Variants in ADCK1 observed in about 807,000 individuals in gnomAD.
ADCK1 encodes the protein aarF domain-containing protein kinase 1.
A neutral mutation model predicts 52.3 loss-of-function variants in ADCK1; 41 were observed. That is an observed-to-expected ratio of 0.78 (90% CI 0.61 to 1.02). ADCK1 has a LOEUF of 1.02. Among genes scored for constraint, ADCK1 ranks in the 50% least tolerant of loss-of-function variants. The pLI, the probability that ADCK1 is intolerant of heterozygous loss-of-function variation, is 0.00. For missense variants in ADCK1, 658 were observed against 679.5 expected (o/e 0.97, Z 0.35); for synonymous variants, 250 against 274.6 (o/e 0.91, Z 0.89).
At chr14:77,834,457 C>G (rs371289055) in intron 3 of ADCK1, among the ~76,000 whole-genome samples, 181 of 152,362 alleles carry the variant, frequency 1.2e-3, no homozygotes, top group Non-Finnish European at 1.8e-3. Context: ...TTTTTGGCTA[C>G]TCTCTTTCCG....
At chr14:77,826,918 G>A (rs1009127375) in intron 3 of ADCK1, among the ~76,000 whole-genome samples, 3 of 152,126 alleles carry the variant, frequency 2.0e-5, no homozygotes, top group Non-Finnish European at 4.4e-5. Flanking sequence ...TGGCCAGTGC[G>A]CAGGACTTTT....
chr14:77,876,391 G>A (rs79336025), intron 4 of ADCK1, among the ~76,000 whole-genome samples: 3,558 of 152,242 alleles, frequency 0.023, 65 homozygotes, highest in Middle Eastern at 0.044. Context: ...CCTCTTGTAA[G>A]GATTCTTGGG....
chr14:77,821,890 A>AG (rs1203365905), intron 2 of ADCK1, among the ~76,000 whole-genome samples: 2 of 75,306 alleles, frequency 2.7e-5, no homozygotes, highest in African/African-American at 4.1e-5. Context: ...ACTCTGTCTC[A>AG]GAAAAAAAAA....
intron 3 of ADCK1, among the ~76,000 whole-genome samples, chr14:77,851,688 A>G (rs1369164248): frequency 6.6e-6 from 1 of 152,102 alleles, no homozygotes; most frequent in African/African-American, 2.4e-5. Context: ...TTGTCAGTCT[A>G]TATTTAAGTG....
intron 7 of ADCK1, among the ~76,000 whole-genome samples, chr14:77,920,672 A>G (rs1430461699): frequency 1.3e-5 from 2 of 152,096 alleles, no homozygotes; most frequent in African/African-American, 4.8e-5. Flanking sequence ...ATTTAGAGAG[A>G]AGGTCTCGCT....
chr14:77,932,372 C>G (rs1389275027), intron 10 of ADCK1, among the ~76,000 whole-genome samples: 1 of 152,148 alleles, frequency 6.6e-6, no homozygotes, highest in Non-Finnish European at 1.5e-5. Flanking sequence ...GATGCCTCAG[C>G]ACCTTTGGGC....
chr14:77,903,077 G>A (rs887965975), intron 6 of ADCK1, among the ~76,000 whole-genome samples: 6 of 152,228 alleles, frequency 3.9e-5, no homozygotes, highest in African/African-American at 1.2e-4. Flanking sequence ...GGGGCCAACT[G>A]GCAAGTGCCA....
At chr14:77,866,713 G>A (rs1423374345) in intron 4 of ADCK1, among the ~76,000 whole-genome samples, 1 of 152,124 alleles carries the variant, frequency 6.6e-6, no homozygotes, top group Non-Finnish European at 1.5e-5. Context: ...TGGTTGTGCT[G>A]TATTTAGGAC....
chr14:77,924,387 A>T, intron 7 of ADCK1, 70 bp from the exon 8 acceptor site: 1 of 1,575,326 alleles, frequency 6.3e-7, no homozygotes. Context: ...CCACATTGAG[A>T]GACCAGACAG....
rs559584013 is a variant in ADCK1 at position 77,871,071 on chromosome 14, A to T, written c.423+11792A>T. ...ATGAACATACTGGCCAACATGGCCA[A>T]ATGAGTGAGGAATACATGCTTGTCT... On this transcript the variant is annotated intron_variant, in intron 4 of 10. Transcript: ENST00000238561. 2.0e-5 allele frequency among the ~76,000 whole-genome samples: 3 copies of T among 152,338 alleles called. No homozygotes were observed. The East Asian group carries it at 5.8e-4, about 29-fold the overall frequency.
rs376078722 is a variant in ADCK1 at position 77,925,750 on chromosome 14, C to T, written c.1009-14C>T. ...GACGAGGCTTAGGTCCCACCGCTGC[C>T]GCCTCCACCCTAGATGCTCACGGAA... On this transcript the variant is annotated splice_polypyrimidine_tract_variant and intron_variant, in intron 8 of 10. Coordinates refer to ENST00000238561, the MANE Select transcript of ADCK1 (RefSeq NM_020421.4). 36 of 1,613,538 alleles carry T rather than the reference C, an allele frequency of 2.2e-5. No individual in the cohort carries two copies. The highest frequency in any genetic ancestry group is 1.6e-4 in the Middle Eastern group (1 of 6,084).
intron 3 of ADCK1, among the ~76,000 whole-genome samples, chr14:77,858,130 C>T (rs974119125): frequency 1.3e-5 from 2 of 152,224 alleles, no homozygotes; most frequent in Non-Finnish European, 2.9e-5. Flanking sequence ...ATACCCCCCA[C>T]TACAGTGACT....
intron 6 of ADCK1, among the ~76,000 whole-genome samples, chr14:77,905,759 C>T (rs112625701): frequency 0.04 from 6,042 of 152,150 alleles, 174 homozygotes; most frequent in Non-Finnish European, 0.056. Context: ...GGCTGCAGTG[C>T]GCTATGATGA....
intron 6 of ADCK1, among the ~76,000 whole-genome samples, chr14:77,899,614 G>A (rs534499527): frequency 3.3e-5 from 5 of 152,314 alleles, no homozygotes; most frequent in South Asian, 4.1e-4. Context: ...ACTACTGTAC[G>A]CTGGGACTGT....
chr14:77,827,980 C>T lies in ADCK1; in HGVS notation c.219+5462C>T, dbSNP rs1475804667. The T allele has an allele frequency of 2.0e-5, 6 of 299,060 alleles. No individual in the cohort carries two copies. In the East Asian group the frequency reaches 6.6e-4, roughly 33 times the overall value. 18.5% of individuals were successfully genotyped at this position (299,060 alleles called of 1,614,324 possible). On this transcript the variant is annotated intron_variant, in intron 3 of 10. Transcript: ENST00000238561. ...AGTAGCTGGGACTACAGGTGAGTGCCACCATGCCCGGATAATTTTTTGTGT... is the reference window on the plus strand; with the variant it reads ...AGTAGCTGGGACTACAGGTGAGTGCTACCATGCCCGGATAATTTTTTGTGT...
At chr14:77,840,703 C>A (rs561662982) in intron 3 of ADCK1, among the ~76,000 whole-genome samples, 1 of 152,062 alleles carries the variant, frequency 6.6e-6, no homozygotes, top group East Asian at 1.9e-4. Flanking sequence ...CAAAAATTAA[C>A]CAAGCATGGT....
intron 1 of ADCK1, among the ~76,000 whole-genome samples, chr14:77,813,075 T>C (rs2081368572): frequency 6.6e-6 from 1 of 151,940 alleles, no homozygotes; most frequent in Admixed American, 6.6e-5. Flanking sequence ...TGATCTTAGC[T>C]CACTGCAACC....
Position 77,819,035 on chromosome 14 carries a change from T to C in ADCK1, c.57T>C (p.Ser19=). The change falls in exon 2 of 11, where the codon TCT becomes TCC. Residue 19 remains serine, a synonymous_variant. Coordinates refer to ENST00000238561, the MANE Select transcript of ADCK1 (RefSeq NM_020421.4). ...ASWTSMALAA[S]GIYFYSNKYL... ...GGACCAGCATGGCTCTTGCTGCCTCTGGCATCTACTTCTACAGTAACAAGT... is the reference window on the plus strand; with the variant it reads ...GGACCAGCATGGCTCTTGCTGCCTCCGGCATCTACTTCTACAGTAACAAGT... 1 of 1,614,224 alleles carries C rather than the reference T, an allele frequency of 6.2e-7. No homozygotes were observed. Among genetic ancestry groups the C allele is most frequent in the Non-Finnish European group, 8.5e-7 (1 of 1,180,038 alleles).
chr14:77,854,546 C>T (rs922289687), intron 3 of ADCK1, among the ~76,000 whole-genome samples: 11 of 133,562 alleles, frequency 8.2e-5, no homozygotes, highest in African/African-American at 3.0e-4. Context: ...CAGCTCTCTT[C>T]GGAGTGGGCT....
Sources: gnomAD v4.1 joint callset for allele counts (sites outside exome capture counted in the v4.1 genomes callset) on GRCh38, gnomAD v4.1.1 for gene constraint, MANE v1.5 for transcripts, NCBI Gene and HGNC (gene_info 2026-07-23, HGNC 2026-07-21) for gene names.